The following CDC7 variants were observed in gnomAD, a reference collection of about 807,000 sequenced individuals.
CDC7 encodes cell division cycle 7-related protein kinase.
CDC7 carries 34 observed loss-of-function variants against 53.5 expected under a neutral mutation model. The observed-to-expected ratio is 0.64, with a 90% CI of 0.48 to 0.85. CDC7 has a LOEUF of 0.85. CDC7 is among the 40% of genes least tolerant of loss of function. The probability of loss-of-function intolerance (pLI) is 0.00; values close to 1 mark genes in which losing one functional copy is unlikely to be tolerated. For missense variants in CDC7, 594 were observed against 679.7 expected, an observed-to-expected ratio of 0.87 and a Z score of 1.40; for synonymous variants, 211 against 222.8, an observed-to-expected ratio of 0.95 and a Z score of 0.47.
At chr1:91,508,460 A>G (rs1325667188) in intron 4 of CDC7, 63 bp downstream of exon 4, 5 of 1,332,010 alleles carry the variant, frequency 3.8e-6, no homozygotes, top group Non-Finnish European at 4.2e-6. Context: ...TAAAGTAGAT[A>G]TTTAGCAGGG....
At chr1:91,515,993 A>G in intron 10 of CDC7, 117 bp downstream of exon 10, 1 of 841,268 alleles carries the variant, frequency 1.2e-6, no homozygotes, top group Non-Finnish European at 1.9e-6. Flanking sequence ...TTAATTATGT[A>G]AGCAGTTCTT....
At position 91,514,810 on chromosome 1, in the gene CDC7, C is replaced by G. The variant is rs1228624591; in HGVS notation, c.919-9C>G. On this transcript the variant is annotated splice_polypyrimidine_tract_variant and intron_variant, in intron 8 of 11. Transcript: ENST00000234626. ...ATGAAAATAGAAAAATGAGACTTTT[C>G]TTTTACAGCTCATGAAGCAGTCAAA... 1.3e-6 allele frequency: 2 copies of G among 1,550,786 alleles called. No individual in the cohort carries two copies. Among genetic ancestry groups the G allele is most frequent in the Non-Finnish European group, 1.7e-6 (2 of 1,149,610 alleles).
At position 91,500,938 on chromosome 1, in the gene CDC7, T is replaced by A. The variant is rs1241756901; in HGVS notation, c.-74T>A. 15 of 152,212 alleles carry A rather than the reference T, an allele frequency of 9.9e-5. No individual in the cohort carries two copies. 9.4% of individuals were successfully genotyped at this position (152,212 alleles called of 1,614,324 possible). On this transcript the variant is annotated 5_prime_UTR_variant, in exon 1 of 12. Coordinates refer to ENST00000234626, the MANE Select transcript of CDC7 (RefSeq NM_003503.4). The stretch of plus-strand genomic sequence containing the variant: ...ATCTGGGGAGCCACAGAAGTCGTAC[T>A]CCCTTAAACCGTGAGTTTCCGACGG...
rs1668157189 is a variant in CDC7 at position 91,524,447 on chromosome 1, C to T, written c.*12C>T. 6.3e-7 allele frequency: 1 copy of T among 1,580,474 alleles called. No homozygotes were observed. Among genetic ancestry groups the T allele is most frequent in the Non-Finnish European group, 8.6e-7 (1 of 1,165,914 alleles). On this transcript the variant is annotated 3_prime_UTR_variant, in exon 12 of 12. Coordinates refer to ENST00000234626, the MANE Select transcript of CDC7 (RefSeq NM_003503.4). ...ATATGAGCTTGTGATAATGGATCTT[C>T]ATTTAATGTTTACTGTTATGAGGTA...
chr1:91,523,288 T>C (rs889413559), intron 11 of CDC7, among the ~76,000 whole-genome samples: 8 of 152,126 alleles, frequency 5.3e-5, no homozygotes, highest in African/African-American at 1.9e-4. Context: ...TTATTTAGGA[T>C]AGGTTGGTCA....
chr1:91,512,026 A>G (rs928621727), intron 6 of CDC7, 103 bp downstream of exon 6: 20 of 846,236 alleles, frequency 2.4e-5, no homozygotes, highest in East Asian at 5.6e-5. Context: ...ATATAGTACA[A>G]AAGTTACTAT....
intron 7 of CDC7, 59 bp from the exon 8 acceptor site, chr1:91,513,889 G>A: frequency 8.2e-7 from 1 of 1,219,908 alleles, no homozygotes. Flanking sequence ...GCAGAGTACA[G>A]CTGGCAGAAA....
chr1:91,503,421 A>C (rs1341715427), intron 2 of CDC7, among the ~76,000 whole-genome samples: 1 of 152,132 alleles, frequency 6.6e-6, no homozygotes, highest in African/African-American at 2.4e-5. Flanking sequence ...TGGGAAAGTA[A>C]ATCAAATTAG....
intron 2 of CDC7, among the ~76,000 whole-genome samples, chr1:91,503,265 A>G (rs901584425): frequency 2.0e-5 from 3 of 152,220 alleles, no homozygotes; most frequent in Non-Finnish European, 4.4e-5. Flanking sequence ...ACATTATAAT[A>G]TGATAAATTA....
At chr1:91,513,407 A>T (rs904832381) in intron 7 of CDC7, 100 bp downstream of exon 7, 2 of 1,037,862 alleles carry the variant, frequency 1.9e-6, no homozygotes, top group Non-Finnish European at 2.7e-6. Context: ...CTTATAATTT[A>T]AAAAACTTTT....
In CDC7 at chr1:91,524,027, T is replaced by C; in HGVS notation, c.1331-14T>C. ...GTTTTTTTCTGTTTTTGTTTTTTCT[T>C]CTTTTGCTTTTAGGGAAATCAATAT... On this transcript the variant is annotated splice_polypyrimidine_tract_variant and intron_variant, in intron 11 of 11. Transcript: ENST00000234626. The C allele has an allele frequency of 1.3e-6, 2 of 1,559,950 alleles. No homozygotes were observed. The highest frequency in any genetic ancestry group is 1.7e-6 in the Non-Finnish European group (2 of 1,156,232).
At chr1:91,501,166 G>C (rs944273908) in intron 1 of CDC7, 2 of 152,358 alleles carry the variant, frequency 1.3e-5, no homozygotes, top group Admixed American at 1.3e-4. Context: ...CTCGCGGCCA[G>C]CGCTGGCCGG....
Position 91,524,457 on chromosome 1 carries a change from T to C in CDC7, c.*22T>C, listed in dbSNP as rs1338583451. On this transcript the variant is annotated 3_prime_UTR_variant, in exon 12 of 12. Transcript: ENST00000234626. ...GTGATAATGGATCTTCATTTAATGTTTACTGTTATGAGGTAGAATAAAAAA... is the reference window on the plus strand; with the variant it reads ...GTGATAATGGATCTTCATTTAATGTCTACTGTTATGAGGTAGAATAAAAAA... 1 of 1,562,422 alleles carries C rather than the reference T, an allele frequency of 6.4e-7. No homozygotes were observed. The highest frequency in any genetic ancestry group is 1.8e-5 in the Admixed American group (1 of 56,598).
At chr1:91,514,189 A>T in intron 8 of CDC7, 146 bp downstream of exon 8, 1 of 501,486 alleles carries the variant, frequency 2.0e-6, no homozygotes, top group South Asian at 2.8e-5. Flanking sequence ...TTAAGCATTT[A>T]GTCAAAACTT....
At chr1:91,514,319 G>A (rs1667441208) in intron 8 of CDC7, among the ~76,000 whole-genome samples, 1 of 152,138 alleles carries the variant, frequency 6.6e-6, no homozygotes, top group South Asian at 2.1e-4. Context: ...CATTGCTAGA[G>A]TGTGAGCTCC....
rs767761579 is a variant in CDC7 at position 91,508,351 on chromosome 1, C to T, written c.289C>T (p.His97Tyr). 2 of 1,611,814 alleles carry T rather than the reference C, an allele frequency of 1.2e-6. No homozygotes were observed. The highest frequency in any genetic ancestry group is 4.5e-5 in the East Asian group (2 of 44,756). Reference sequence around the variant, plus strand: ...TCTAAAACACTTGATTCCAACAAGTCATCCTATAAGAATTGCAGCTGAACT... The same window carrying T: ...TCTAAAACACTTGATTCCAACAAGTTATCCTATAAGAATTGCAGCTGAACT... ...IALKHLIPTSHPIRIAAELQC... is the reference protein window; with the variant it reads ...IALKHLIPTSYPIRIAAELQC... The change falls in exon 4 of 12, where the codon CAT (histidine) becomes TAT (tyrosine). Residue 97 changes from histidine to tyrosine, a missense_variant. Physicochemically the swap from His to Tyr is moderately conservative, Grantham distance 83. Transcript: ENST00000234626.
In CDC7 at chr1:91,511,670, C is replaced by A. The variant is rs1401709090; in HGVS notation, c.409C>A (p.Leu137Met). The change falls in exon 5 of 12, where the codon CTG becomes ATG. Residue 137 changes from leucine (L) to methionine (M), a missense_variant. Leu to Met is a conservative substitution (Grantham distance 15). Transcript: ENST00000234626. ...NDHVVIAMPY[L>M]EHESFLDILN... ...TCATGTAGTTATTGCTATGCCATAT[C>A]TGGAGCATGAGTCGTTTTTGGTAGG... 3 of 1,609,426 alleles carry A rather than the reference C, an allele frequency of 1.9e-6. No individual in the cohort carries two copies. In the African/African-American group the frequency reaches 4.0e-5, roughly 22 times the overall value.
intron 10 of CDC7, among the ~76,000 whole-genome samples, chr1:91,516,200 G>T (rs1347860079): frequency 1.3e-5 from 2 of 151,726 alleles, no homozygotes; most frequent in African/African-American, 2.4e-5. Flanking sequence ...TCACCTTTGT[G>T]GGGGAAAAAA....
At chr1:91,507,457 A>G (rs1252916200) in intron 2 of CDC7, among the ~76,000 whole-genome samples, 3 of 152,222 alleles carry the variant, frequency 2.0e-5, no homozygotes, top group South Asian at 2.1e-4. Flanking sequence ...CAAGCCTTTA[A>G]GATTTTGTAT....
Sources: gnomAD v4.1 joint callset for allele counts (sites outside exome capture counted in the v4.1 genomes callset) on GRCh38, gnomAD v4.1.1 for gene constraint, MANE v1.5 for transcripts, NCBI Gene and HGNC (gene_info 2026-07-23, HGNC 2026-07-21) for gene names.